FNIP2: variants seen among roughly 807,000 people sequenced by gnomAD.
FNIP2 encodes folliculin-interacting protein 2.
A neutral mutation model predicts 108.7 loss-of-function variants in FNIP2; 32 were observed. The ratio of observed to expected loss-of-function variants is 0.29; its 90% CI spans 0.22 to 0.40. The LOEUF (loss-of-function observed/expected upper bound fraction) is 0.40. Ranked by LOEUF, FNIP2 falls within the 10% of genes least tolerant of loss-of-function variation. The pLI, the probability that FNIP2 is intolerant of heterozygous loss-of-function variation, is 1.00. For synonymous variants in FNIP2, 480 were observed against 496.7 expected (o/e 0.97, Z 0.45); for missense variants, 1,202 against 1,381.6 (o/e 0.87, Z 2.06).
At chr4:158,901,715 C>G (rs1729295014) in intron 16 of FNIP2, among the ~76,000 whole-genome samples, 1 of 151,872 alleles carries the variant, frequency 6.6e-6, no homozygotes, top group Non-Finnish European at 1.5e-5. Flanking sequence ...ATCTTGTCTT[C>G]ACGCTTTATT....
intron 7 of FNIP2, among the ~76,000 whole-genome samples, chr4:158,839,368 A>G (rs1778989987): frequency 6.6e-6 from 1 of 151,658 alleles, no homozygotes; most frequent in Admixed American, 6.6e-5. Flanking sequence ...TTATTTATTT[A>G]TTTATTTTTT....
Position 158,832,156 on chromosome 4 carries a change from C to T in FNIP2, c.554+18C>T. On this transcript the variant is annotated intron_variant, in intron 5 of 16. Transcript: ENST00000264433. ...ACAAATAAGTAAGTGTAGGATTTTG[C>T]ATTCCCCACCCCCATTTTTTAAAGT... The T allele has an allele frequency of 6.3e-7, 1 of 1,590,656 alleles. No individual in the cohort carries two copies. The highest frequency in any genetic ancestry group is 8.6e-7 in the Non-Finnish European group (1 of 1,160,080).
intron 1 of FNIP2, among the ~76,000 whole-genome samples, chr4:158,806,732 T>C (rs1776984439): frequency 6.6e-6 from 1 of 152,192 alleles, no homozygotes; most frequent in African/African-American, 2.4e-5. Context: ...GATGAAACTG[T>C]TCACAGTAAT....
intron 15 of FNIP2, among the ~76,000 whole-genome samples, chr4:158,894,617 A>G (rs1036314301): frequency 1.3e-5 from 2 of 152,198 alleles, no homozygotes; most frequent in Admixed American, 6.5e-5. Context: ...TCAATGTAAT[A>G]TGAATATTAT....
chr4:158,890,042 G>A (rs1270661963), intron 14 of FNIP2: 22 of 985,264 alleles, frequency 2.2e-5, no homozygotes, highest in Non-Finnish European at 2.4e-5. Flanking sequence ...CATTATGTGT[G>A]TAAGAAAATC....
intron 1 of FNIP2, among the ~76,000 whole-genome samples, chr4:158,792,178 C>T (rs1183000907): frequency 6.6e-6 from 1 of 152,112 alleles, no homozygotes; most frequent in Non-Finnish European, 1.5e-5. Context: ...GTAAATTCAC[C>T]TACTTACCAA....
At chr4:158,897,530 C>T (rs189786263) in intron 16 of FNIP2, among the ~76,000 whole-genome samples, 5 of 152,252 alleles carry the variant, frequency 3.3e-5, no homozygotes, top group South Asian at 2.1e-4. Context: ...TAGTGATTGC[C>T]GTTCTAACTG....
intron 1 of FNIP2, among the ~76,000 whole-genome samples, chr4:158,778,346 C>T (rs1047869627): frequency 6.6e-6 from 1 of 152,222 alleles, no homozygotes; most frequent in Non-Finnish European, 1.5e-5. Context: ...TCTGGGTGCA[C>T]TGCCTGTGAG....
At chr4:158,855,968 C>T (rs1434507873) in intron 8 of FNIP2, among the ~76,000 whole-genome samples, 2 of 152,070 alleles carry the variant, frequency 1.3e-5, no homozygotes, top group African/African-American at 2.4e-5. Context: ...TTGTTAGAAT[C>T]GGGCAACACT....
rs948478405 is a variant in FNIP2 at position 158,833,930 on chromosome 4, T to C, written c.655+302T>C. On this transcript the variant is annotated intron_variant, in intron 6 of 16. Transcript: ENST00000264433. ...CTGAGTACAGTGTGACCCACACATA[T>C]TAATAAATCCTGTGCAGGTTCTTAG... The C allele has an allele frequency of 3.2e-6, 4 of 1,252,602 alleles. No homozygotes were observed. In the African/African-American group the frequency reaches 4.6e-5, roughly 14 times the overall value. 77.6% of individuals were successfully genotyped at this position (1,252,602 alleles called of 1,614,324 possible). A position where few individuals can be genotyped will look rare whatever the true frequency, so the allele number is the denominator to read the frequency against.
At chr4:158,833,855 C>A (rs957633710) in intron 6 of FNIP2, 2 of 1,482,466 alleles carry the variant, frequency 1.3e-6, no homozygotes, top group Admixed American at 2.1e-5. Flanking sequence ...GAAGGAGGAC[C>A]TCTCCGGCTC....
rs1235308157 is a variant in FNIP2, at chr4:158,907,983, TTTATGTA to T, written c.*3444_*3450del. 1 of 152,220 alleles carries T rather than the reference TTTATGTA, an allele frequency of 6.6e-6. No individual in the cohort carries two copies. The highest frequency in any genetic ancestry group is 1.5e-5 in the Non-Finnish European group (1 of 68,042). 9.4% of individuals were successfully genotyped at this position (152,220 alleles called of 1,614,324 possible). On this transcript the variant is annotated 3_prime_UTR_variant, in exon 17 of 17. Transcript: ENST00000264433. ...TTGTGTGGGAATTTTTTTTAACTTGTTTATGTATTATTTTGATCCATTTTTCTGTGGC... is the reference window on the plus strand; with the variant it reads ...TTGTGTGGGAATTTTTTTTAACTTGTTTATTTTGATCCATTTTTCTGTGGC...
At chr4:158,814,539 T>C (rs1237501561) in intron 1 of FNIP2, among the ~76,000 whole-genome samples, 1 of 152,232 alleles carries the variant, frequency 6.6e-6, no homozygotes, top group Non-Finnish European at 1.5e-5. Flanking sequence ...CTCTAGGCTC[T>C]GCATGAATTA....
intron 1 of FNIP2, among the ~76,000 whole-genome samples, chr4:158,819,365 A>T (rs1221288305): frequency 1.3e-5 from 2 of 152,152 alleles, no homozygotes; most frequent in Non-Finnish European, 2.9e-5. Flanking sequence ...TGGTAATATA[A>T]CAGTGGACTA....
At chr4:158,770,644 C>G (rs1176164085) in intron 1 of FNIP2, among the ~76,000 whole-genome samples, 1 of 152,186 alleles carries the variant, frequency 6.6e-6, no homozygotes, top group African/African-American at 2.4e-5. Context: ...TTTAGGCTAA[C>G]AAGCCTTATA....
intron 1 of FNIP2, among the ~76,000 whole-genome samples, chr4:158,805,318 G>A (rs1776907478): frequency 6.6e-6 from 1 of 152,148 alleles, no homozygotes; most frequent in Non-Finnish European, 1.5e-5. Context: ...CAGGGATCTT[G>A]ATTTTTATTT....
At chr4:158,866,091 C>G (rs932325655) in intron 12 of FNIP2, among the ~76,000 whole-genome samples, 4 of 150,028 alleles carry the variant, frequency 2.7e-5, no homozygotes, top group Admixed American at 6.7e-5. Context: ...ACTGCTTTCC[C>G]TCCTCTCTAG....
intron 8 of FNIP2, among the ~76,000 whole-genome samples, chr4:158,858,449 G>C (rs1054471451): frequency 6.6e-6 from 1 of 152,190 alleles, no homozygotes; most frequent in Non-Finnish European, 1.5e-5. Context: ...CTTCGTGGCT[G>C]TCATCATAGA....
Position 158,877,363 on chromosome 4 carries a change from A to G in FNIP2, c.2949+6894A>G, listed in dbSNP as rs1781342045. On this transcript the variant is annotated intron_variant, in intron 14 of 16. Transcript: ENST00000264433. The stretch of plus-strand genomic sequence containing the variant: ...TCTTTCCCTCTACCCCTAAGTCTTC[A>G]TACTGTCTTCATGTATACCTACAAG... 2.0e-5 allele frequency among the ~76,000 whole-genome samples: 3 copies of G among 152,328 alleles called. No individual in the cohort carries two copies. The South Asian group carries it at 6.2e-4, about 32-fold the overall frequency.
Sources: allele counts gnomAD v4.1 joint callset (sites outside exome capture counted in the v4.1 genomes callset), GRCh38; gene constraint gnomAD v4.1.1; transcripts MANE v1.5; gene names NCBI Gene and HGNC (gene_info 2026-07-23, HGNC 2026-07-21).